SNTG2: variants seen among roughly 807,000 people sequenced by gnomAD.
SNTG2 encodes the protein gamma-2-syntrophin.
Under a neutral mutation model 70.9 loss-of-function variants are expected in SNTG2, and 74 were observed. That is an observed-to-expected ratio of 1.04 (90% CI 0.86 to 1.27). SNTG2 has a LOEUF of 1.27. SNTG2 is among the 50% of genes most tolerant of loss of function. The probability of loss-of-function intolerance (pLI) is 0.00; values close to 1 mark genes in which losing one functional copy is unlikely to be tolerated. For synonymous variants in SNTG2, 278 were observed against 273.8 expected (o/e 1.02, Z -0.15); for missense variants, 717 against 690.7 (o/e 1.04, Z -0.43).
chr2:1,007,193 A>T (rs1436260114), intron 1 of SNTG2, among the ~76,000 whole-genome samples: 1 of 152,064 alleles, frequency 6.6e-6, no homozygotes, highest in Non-Finnish European at 1.5e-5. Context: ...TCCCCCACAG[A>T]TCCCAAAGGA....
intron 16 of SNTG2, among the ~76,000 whole-genome samples, chr2:1,362,723 G>T (rs953122554): frequency 6.6e-4 from 41 of 61,720 alleles, no homozygotes; most frequent in African/African-American, 2.5e-3. Context: ...TAGAACTTCC[G>T]TGAAAGTCAC....
At chr2:1,326,778 C>T (rs1263073090) in intron 16 of SNTG2, among the ~76,000 whole-genome samples, 2 of 152,190 alleles carry the variant, frequency 1.3e-5, no homozygotes, top group Non-Finnish European at 2.9e-5. Context: ...TAATCTCAAT[C>T]AGCTTTGACA....
At chr2:1,144,653 A>G (rs774859169) in intron 6 of SNTG2, among the ~76,000 whole-genome samples, 1 of 152,222 alleles carries the variant, frequency 6.6e-6, no homozygotes, top group Non-Finnish European at 1.5e-5. Context: ...ATGGTGGCAG[A>G]CAAAAGAGAA....
chr2:1,105,828 G>A (rs1214238057), intron 4 of SNTG2, among the ~76,000 whole-genome samples: 1 of 152,100 alleles, frequency 6.6e-6, no homozygotes, highest in African/African-American at 2.4e-5. Flanking sequence ...TCCCTGCTCC[G>A]ATGCATGGCA....
chr2:963,615 T>C (rs1359510215), intron 1 of SNTG2, among the ~76,000 whole-genome samples: 1 of 124,732 alleles, frequency 8.0e-6, no homozygotes, highest in Non-Finnish European at 1.7e-5. Flanking sequence ...GTATATTTAA[T>C]ATGCCAGTTT....
intron 1 of SNTG2, among the ~76,000 whole-genome samples, chr2:1,048,367 A>C (rs757068467): frequency 1.3e-5 from 2 of 152,212 alleles, no homozygotes; most frequent in Non-Finnish European, 2.9e-5. Context: ...CTACCAGTCA[A>C]GAGTGAATTA....
At chr2:1,271,363 G>T (rs1229445653) in intron 14 of SNTG2, among the ~76,000 whole-genome samples, 1 of 151,842 alleles carries the variant, frequency 6.6e-6, no homozygotes, top group Non-Finnish European at 1.5e-5. Context: ...CAAGACTTTT[G>T]TACATTTTCA....
chr2:1,341,855 T>A (rs1335556244), intron 16 of SNTG2, among the ~76,000 whole-genome samples: 2 of 151,128 alleles, frequency 1.3e-5, no homozygotes, highest in Admixed American at 1.3e-4. Context: ...GCTTTTTTTT[T>A]TTTTTTTTGA....
Position 1,097,486 on chromosome 2 carries a change from C to T in SNTG2, c.211-710C>T, listed in dbSNP as rs62107374. Among the ~76,000 whole-genome samples the T allele has an allele frequency of 0.038, 5,795 of 152,244 alleles. 254 individuals are homozygous for T. The highest frequency in any genetic ancestry group is 0.22 in the South Asian group (1,064 of 4,830). On this transcript the variant is annotated intron_variant, in intron 2 of 16. Coordinates refer to ENST00000308624, the MANE Select transcript of SNTG2 (RefSeq NM_018968.4). The surrounding 1 kb of genome is among the most constrained non-coding windows in gnomAD (Gnocchi z 4.1). The stretch of plus-strand genomic sequence containing the variant: ...CCGTCTACCCCAGGCTGCCTCTGTG[C>T]GCCCCCTCAGAGCAGCACCAGTCAC...
intron 4 of SNTG2, among the ~76,000 whole-genome samples, chr2:1,123,995 G>A (rs1667541413): frequency 6.6e-6 from 1 of 151,982 alleles, no homozygotes; most frequent in African/African-American, 2.4e-5. Flanking sequence ...ATGGGGAGAT[G>A]ACGGTCAGAG....
chr2:999,792 A>G (rs1661807569), intron 1 of SNTG2, among the ~76,000 whole-genome samples: 1 of 151,968 alleles, frequency 6.6e-6, no homozygotes, highest in Non-Finnish European at 1.5e-5. Flanking sequence ...TAACAAACAC[A>G]TTGCATTCTA....
At chr2:1,075,290 C>T (rs1663845966) in intron 1 of SNTG2, among the ~76,000 whole-genome samples, 1 of 152,168 alleles carries the variant, frequency 6.6e-6, no homozygotes, top group African/African-American at 2.4e-5. Flanking sequence ...AGTGGCAGCT[C>T]CTACGTCCTT....
At chr2:1,253,778 A>T (rs975037333) in intron 12 of SNTG2, among the ~76,000 whole-genome samples, 4 of 152,202 alleles carry the variant, frequency 2.6e-5, no homozygotes, top group African/African-American at 9.7e-5. Flanking sequence ...ACGTCTGGGG[A>T]AGCCTCAGGA....
At chr2:1,290,472 A>G (rs1296218094) in intron 14 of SNTG2, among the ~76,000 whole-genome samples, 2 of 151,940 alleles carry the variant, frequency 1.3e-5, no homozygotes, top group African/African-American at 2.4e-5. Context: ...GCACCACCAC[A>G]CCCAGCTAAT....
intron 1 of SNTG2, among the ~76,000 whole-genome samples, chr2:1,038,916 C>T (rs1482127092): frequency 6.6e-6 from 1 of 152,154 alleles, no homozygotes; most frequent in Non-Finnish European, 1.5e-5. Flanking sequence ...TTTATTCTTC[C>T]CAAGTGAGCT....
At chr2:1,279,802 G>T (rs1679440877) in intron 14 of SNTG2, among the ~76,000 whole-genome samples, 1 of 152,200 alleles carries the variant, frequency 6.6e-6, no homozygotes, top group Admixed American at 6.5e-5. Flanking sequence ...TTAACATCCA[G>T]CTGCGAAGCA....
chr2:987,238 A>T (rs537239665), intron 1 of SNTG2, among the ~76,000 whole-genome samples: 73 of 152,318 alleles, frequency 4.8e-4, no homozygotes, highest in Non-Finnish European at 9.3e-4. Context: ...AGGACTGAGA[A>T]GGAGAGGTGA....
intron 1 of SNTG2, among the ~76,000 whole-genome samples, chr2:1,038,080 C>A (rs939817288): frequency 6.6e-6 from 1 of 152,176 alleles, no homozygotes; most frequent in African/African-American, 2.4e-5. Flanking sequence ...AGTTCCCTCA[C>A]GTCTGAGCAA....
At chr2:1,341,593 A>G (rs574732476) in intron 16 of SNTG2, 2 of 152,290 alleles carry the variant, frequency 1.3e-5, no homozygotes, top group Non-Finnish European at 2.9e-5. Context: ...CTGGAGGTTG[A>G]TCTTTCCCAG....
Sources: allele counts gnomAD v4.1 joint callset (sites outside exome capture counted in the v4.1 genomes callset), GRCh38; gene constraint gnomAD v4.1.1; non-coding constraint Gnocchi (gnomAD v3.1); transcripts MANE v1.5; gene names NCBI Gene and HGNC (gene_info 2026-07-23, HGNC 2026-07-21).